Variants in COL10A1 observed in about 807,000 individuals in gnomAD.
COL10A1 encodes collagen alpha-1(X) chain.
In COL10A1, 10 loss-of-function variants were observed where a neutral mutation model predicts 18.2. That is an observed-to-expected ratio of 0.55 (90% CI 0.34 to 0.93). The LOEUF is 0.93. Among genes scored for constraint, COL10A1 ranks in the 40% least tolerant of loss-of-function variants. The probability of loss-of-function intolerance (pLI) is 0.02; values close to 1 mark genes in which losing one functional copy is unlikely to be tolerated. For synonymous variants in COL10A1, 330 were observed against 316.6 expected, an observed-to-expected ratio of 1.04 and a Z score of -0.45; for missense variants, 897 against 853.5, an observed-to-expected ratio of 1.05 and a Z score of -0.64.
At chr6:116,181,787 C>G in the COL10A1 span, among the ~76,000 whole-genome samples, 3 of 151,988 alleles carry the variant, frequency 2.0e-5, no homozygotes, top group East Asian at 1.9e-4. Flanking sequence ...ATATTATGTT[C>G]CTGGTGGAAG....
upstream of COL10A1, chr6:116,158,760 C>A (rs1239057301): frequency 6.6e-6 from 1 of 152,210 alleles, no homozygotes; most frequent in Non-Finnish European, 1.5e-5. Flanking sequence ...TCCACTACTT[C>A]CCGAGCTTTT....
intron 1 of COL10A1, among the ~76,000 whole-genome samples, chr6:116,151,040 T>C (rs886700988): frequency 2.6e-5 from 4 of 152,224 alleles, no homozygotes; most frequent in Non-Finnish European, 5.9e-5. Flanking sequence ...GTTATCTCAT[T>C]GATAGAAATC....
At chr6:116,159,737 A>G (rs1192994642), upstream of COL10A1, among the ~76,000 whole-genome samples, 1 of 152,180 alleles carries the variant, frequency 6.6e-6, no homozygotes, top group Non-Finnish European at 1.5e-5. Flanking sequence ...CAAATAGTGA[A>G]CACTGTACCA....
upstream of COL10A1, among the ~76,000 whole-genome samples, chr6:116,163,454 G>C (rs540961698): frequency 1.3e-5 from 2 of 151,880 alleles, no homozygotes; most frequent in African/African-American, 2.4e-5. Flanking sequence ...TATTTCTGTG[G>C]TATCAATTTT....
At chr6:116,170,730 C>CT in the COL10A1 span, among the ~76,000 whole-genome samples, 3 of 152,304 alleles carry the variant, frequency 2.0e-5, no homozygotes, top group South Asian at 6.2e-4. Context: ...CCTTAGCAAA[C>CT]TGCTTGCTTG....
At chr6:116,216,002 A>G in the COL10A1 span, among the ~76,000 whole-genome samples, 2 of 152,156 alleles carry the variant, frequency 1.3e-5, no homozygotes, top group South Asian at 2.1e-4. Context: ...GAATTCCATA[A>G]TATACACTTT....
the COL10A1 span, among the ~76,000 whole-genome samples, chr6:116,199,620 A>G: frequency 2.0e-5 from 3 of 152,092 alleles, no homozygotes; most frequent in African/African-American, 7.2e-5. Flanking sequence ...GGCAGGAAAT[A>G]TACAAGATGA....
chr6:116,196,506 A>G, the COL10A1 span, among the ~76,000 whole-genome samples: 2 of 152,030 alleles, frequency 1.3e-5, no homozygotes, highest in African/African-American at 4.8e-5. Flanking sequence ...TCTCTTTGCC[A>G]TTTGGTTTTT....
At chr6:116,168,144 A>G in the COL10A1 span, among the ~76,000 whole-genome samples, 99 of 140,808 alleles carry the variant, frequency 7.0e-4, no homozygotes, top group African/African-American at 2.6e-3. Context: ...ACTTAACACC[A>G]TTGGTTTGTT....
the COL10A1 span, among the ~76,000 whole-genome samples, chr6:116,178,088 TGCGCGCGCGCGCGCGTGC>T: frequency 2.0e-5 from 2 of 99,668 alleles, no homozygotes; most frequent in African/African-American, 9.3e-5. Flanking sequence ...TGTGTGTGTG[TGCGCGCGCGCGCGCGTGC>T]GTGCGTGTGT....
At chr6:116,167,314 G>A in the COL10A1 span, among the ~76,000 whole-genome samples, 1 of 145,400 alleles carries the variant, frequency 6.9e-6, no homozygotes, top group Non-Finnish European at 1.5e-5. Context: ...CCAGGTTCCA[G>A]CGATTCTCCT....
the COL10A1 span, among the ~76,000 whole-genome samples, chr6:116,166,202 C>T: frequency 1.3e-5 from 2 of 152,104 alleles, no homozygotes; most frequent in Admixed American, 1.3e-4. Flanking sequence ...TTCTGCAACC[C>T]CACATCAACC....
At chr6:116,190,762 C>A in the COL10A1 span, among the ~76,000 whole-genome samples, 4 of 151,944 alleles carry the variant, frequency 2.6e-5, no homozygotes, top group African/African-American at 7.2e-5. Context: ...GTATGTAAAA[C>A]GTCTGGAAAG....
the COL10A1 span, among the ~76,000 whole-genome samples, chr6:116,176,156 A>G: frequency 6.6e-6 from 1 of 152,194 alleles, no homozygotes; most frequent in African/African-American, 2.4e-5. Flanking sequence ...ATGGTAGACC[A>G]TAGGCTTCAA....
chr6:116,136,679 C>T (rs1779613307), intron 1 of COL10A1, among the ~76,000 whole-genome samples: 1 of 152,056 alleles, frequency 6.6e-6, no homozygotes, highest in Admixed American at 6.6e-5. Flanking sequence ...ATCTATCTTT[C>T]ATATTAATAA....
the COL10A1 span, among the ~76,000 whole-genome samples, chr6:116,196,686 C>A: frequency 1.3e-5 from 2 of 151,958 alleles, no homozygotes; most frequent in South Asian, 4.1e-4. Context: ...ATTTTATGAG[C>A]ATTTCACCAG....
upstream of COL10A1, among the ~76,000 whole-genome samples, chr6:116,158,946 CCCATGTGT>C (rs1780268676): frequency 6.6e-6 from 1 of 152,020 alleles, no homozygotes; most frequent in Non-Finnish European, 1.5e-5. Flanking sequence ...TTTATTTGAT[CCCATGTGT>C]AAATGCAAGA....
At chr6:116,152,289 A>G (rs1780062307) in intron 1 of COL10A1, among the ~76,000 whole-genome samples, 1 of 152,228 alleles carries the variant, frequency 6.6e-6, no homozygotes, top group Non-Finnish European at 1.5e-5. Flanking sequence ...TTAACACCTT[A>G]AAGGTGCACA....
chr6:116,125,671 G>A lies in COL10A1; in HGVS notation c.-15-164C>T, dbSNP rs1404142437. On this transcript the variant is annotated intron_variant, in intron 1 of 2. Transcript: ENST00000651968. Reference sequence around the variant, plus strand: ...AAATGAGAGATCATTTTTTAGTTATGTGAATATATGTCTTAGTTATTTTTG... The same window carrying A: ...AAATGAGAGATCATTTTTTAGTTATATGAATATATGTCTTAGTTATTTTTG... 4 of 556,520 alleles carry A rather than the reference G, an allele frequency of 7.2e-6. No homozygotes were observed. In the African/African-American group the frequency reaches 7.6e-5, roughly 11 times the overall value. 34.5% of individuals were successfully genotyped at this position (556,520 alleles called of 1,614,324 possible).
Sources: gnomAD v4.1 joint callset for allele counts (sites outside exome capture counted in the v4.1 genomes callset) on GRCh38, gnomAD v4.1.1 for gene constraint, MANE v1.5 for transcripts, NCBI Gene and HGNC (gene_info 2026-07-23, HGNC 2026-07-21) for gene names.